The following DRAM1 variants were observed in gnomAD, a reference collection of about 807,000 sequenced individuals.
DRAM1 encodes DNA damage regulated autophagy modulator 1.
A neutral mutation model predicts 28.5 loss-of-function variants in DRAM1; 25 were observed. That is an observed-to-expected ratio of 0.88 (90% CI 0.64 to 1.23). The LOEUF is 1.23. Ranked by LOEUF, DRAM1 falls within the 50% of genes most tolerant of loss-of-function variation. The pLI is 0.00. For missense variants in DRAM1, 249 were observed against 299.2 expected, an observed-to-expected ratio of 0.83 and a Z score of 1.24; for synonymous variants, 113 against 114.2, an observed-to-expected ratio of 0.99 and a Z score of 0.07.
chr12:101,918,511 G>A (rs1229332821), intron 5 of DRAM1, among the ~76,000 whole-genome samples: 1 of 152,234 alleles, frequency 6.6e-6, no homozygotes, highest in Non-Finnish European at 1.5e-5. Flanking sequence ...AACAGTGGGT[G>A]AGTGTGACCA....
At chr12:101,917,488 A>G (rs1415869208) in intron 5 of DRAM1, among the ~76,000 whole-genome samples, 1 of 152,014 alleles carries the variant, frequency 6.6e-6, no homozygotes, top group Non-Finnish European at 1.5e-5. Context: ...AGAGTTCAAA[A>G]CTAGCCTGGC....
intron 1 of DRAM1, among the ~76,000 whole-genome samples, chr12:101,887,933 C>A (rs969528007): frequency 1.3e-5 from 2 of 151,926 alleles, no homozygotes; most frequent in Non-Finnish European, 1.5e-5. Context: ...CCTGTTCAGC[C>A]GTAACAATGA....
intron 3 of DRAM1, among the ~76,000 whole-genome samples, chr12:101,904,426 GGTTTTTTTTT>G (rs1227361070): frequency 0.011 from 436 of 39,062 alleles, 74 homozygotes; most frequent in African/African-American, 0.042. Flanking sequence ...GAGCTTTAGG[GGTTTTTTTTT>G]TTTTTTTTTT....
chr12:101,878,535 A>C (rs1305971996), intron 1 of DRAM1, among the ~76,000 whole-genome samples: 1 of 152,220 alleles, frequency 6.6e-6, no homozygotes, highest in Non-Finnish European at 1.5e-5. Flanking sequence ...ACCTCTGGGC[A>C]CTGTGACCCC....
At chr12:101,904,130 G>T (rs1873706561) in intron 3 of DRAM1, among the ~76,000 whole-genome samples, 1 of 152,054 alleles carries the variant, frequency 6.6e-6, no homozygotes, top group Non-Finnish European at 1.5e-5. Flanking sequence ...TGGTATTACA[G>T]GCACCTGGCA....
intron 1 of DRAM1, 134 bp from the exon 2 acceptor site, chr12:101,897,729 A>G (rs1027570687): frequency 7.5e-6 from 5 of 662,870 alleles, no homozygotes; most frequent in Non-Finnish European, 1.3e-5. Context: ...GAACAAAATC[A>G]GGCCAAATCT....
At chr12:101,906,870 A>G (rs1053715377) in intron 3 of DRAM1, among the ~76,000 whole-genome samples, 4 of 145,912 alleles carry the variant, frequency 2.7e-5, no homozygotes, top group Non-Finnish European at 5.9e-5. Context: ...AAAAAAAAAA[A>G]AAAGAAAAGA....
intron 3 of DRAM1, among the ~76,000 whole-genome samples, chr12:101,902,253 A>C (rs1873633428): frequency 6.6e-6 from 1 of 152,206 alleles, no homozygotes; most frequent in Non-Finnish European, 1.5e-5. Context: ...AATTATAATA[A>C]AAGCCTTGTA....
At position 101,903,956 on chromosome 12, in the gene DRAM1, CA is replaced by C. The variant is rs1289357539; in HGVS notation, c.342+2524del. On this transcript the variant is annotated intron_variant, in intron 3 of 6. Coordinates refer to ENST00000258534, the MANE Select transcript of DRAM1 (RefSeq NM_018370.3). ...ACACACACACACACACACACACACA[CA>C]CACACCCCTATAAGCCTCATAAATA... is the stretch of plus-strand genomic sequence containing the variant. Among the ~76,000 whole-genome samples the C allele has an allele frequency of 7.3e-3, 926 of 126,270 alleles. 6 individuals carry two copies. The highest frequency in any genetic ancestry group is 0.041 in the African/African-American group (869 of 21,126). The allele number at this position is 126,270 out of a possible 152,430, so 82.8% of individuals were successfully genotyped here.
intron 1 of DRAM1, among the ~76,000 whole-genome samples, chr12:101,885,434 G>A (rs1421574247): frequency 6.6e-6 from 1 of 151,478 alleles, no homozygotes; most frequent in Non-Finnish European, 1.5e-5. Flanking sequence ...TTAACACCAG[G>A]TTTCCCATGA....
Position 101,897,902 on chromosome 12 carries a change from A to AT in DRAM1, c.174dup (p.Met59TyrfsTer35). The stretch of plus-strand genomic sequence containing the variant: ...CACCTCCAGAGAGTGGTATTTTTGG[A>AT]TTTATGATAAACTTCTCTGCATTTC... On this transcript the variant is annotated frameshift_variant, in exon 2 of 7. Transcript: ENST00000258534. LOFTEE classifies it high-confidence loss of function. 1.9e-6 allele frequency: 3 copies of AT among 1,609,356 alleles called. No homozygotes were observed. The highest frequency in any genetic ancestry group is 2.6e-6 in the Non-Finnish European group (3 of 1,176,146).
chr12:101,905,801 T>TTTA, intron 3 of DRAM1, among the ~76,000 whole-genome samples: 1 of 123,492 alleles, frequency 8.1e-6, no homozygotes, highest in African/African-American at 3.7e-5. Flanking sequence ...TTATTTATTT[T>TTTA]TTGAGATGGA....
chr12:101,883,127 C>T (rs976837605), intron 1 of DRAM1, among the ~76,000 whole-genome samples: 5 of 150,662 alleles, frequency 3.3e-5, no homozygotes, highest in Non-Finnish European at 5.9e-5. Context: ...CCTATGCTCT[C>T]GTTAGTTAAG....
At chr12:101,898,111 G>A (rs186271631) in intron 2 of DRAM1, among the ~76,000 whole-genome samples, 181 bp downstream of exon 2, 1 of 152,026 alleles carries the variant, frequency 6.6e-6, no homozygotes, top group Admixed American at 6.6e-5. Flanking sequence ...GCCTCAACCT[G>A]CCAGGCTCAA....
intron 1 of DRAM1, among the ~76,000 whole-genome samples, chr12:101,878,417 C>G (rs1872574421): frequency 6.6e-6 from 1 of 152,096 alleles, no homozygotes; most frequent in African/African-American, 2.4e-5. Context: ...TGATGTCACA[C>G]TAGTTAATGG....
intron 5 of DRAM1, among the ~76,000 whole-genome samples, chr12:101,918,773 G>A (rs1185855074): frequency 6.6e-6 from 1 of 152,144 alleles, no homozygotes; most frequent in African/African-American, 2.4e-5. Context: ...GGGAGTTAGG[G>A]GTAGTTGCTC....
At chr12:101,893,027 T>C (rs12306728) in intron 1 of DRAM1, among the ~76,000 whole-genome samples, 3,057 of 152,322 alleles carry the variant, frequency 0.02, 44 homozygotes, top group African/African-American at 0.028. Flanking sequence ...ATTCAGGCAT[T>C]GATGGTGGGT....
chr12:101,880,759 G>A (rs1872662875), intron 1 of DRAM1, among the ~76,000 whole-genome samples: 1 of 152,154 alleles, frequency 6.6e-6, no homozygotes, highest in South Asian at 2.1e-4. Flanking sequence ...ACTTGAAATG[G>A]GAGACATTCA....
intron 6 of DRAM1, among the ~76,000 whole-genome samples, 165 bp from the exon 7 acceptor site, chr12:101,921,050 TC>T (rs1874462675): frequency 6.6e-6 from 1 of 152,152 alleles, no homozygotes; most frequent in African/African-American, 2.4e-5. Flanking sequence ...AATTATTAGC[TC>T]AAAGGATATA....
Sources: gnomAD v4.1 joint callset for allele counts (sites outside exome capture counted in the v4.1 genomes callset) on GRCh38, gnomAD v4.1.1 for gene constraint, MANE v1.5 for transcripts, NCBI Gene and HGNC (gene_info 2026-07-23, HGNC 2026-07-21) for gene names.